The following OR56A3 variants were observed in gnomAD, a reference collection of about 807,000 sequenced individuals.
OR56A3 encodes olfactory receptor family 56 subfamily A member 3.
A neutral mutation model predicts 17.5 loss-of-function variants in OR56A3; 23 were observed. The observed-to-expected ratio is 1.32, with a 90% CI of 0.95 to 1.87. OR56A3 has a LOEUF of 1.87. OR56A3 is among the 40% of genes most tolerant of loss of function. OR56A3 has a pLI of 0.00. For synonymous variants in OR56A3, 175 were observed against 150.6 expected (o/e 1.16, Z -1.19); for missense variants, 366 against 380.1 (o/e 0.96, Z 0.31).
chr11:5,962,567 T>C, the OR56A3 span, among the ~76,000 whole-genome samples: 19 of 149,716 alleles, frequency 1.3e-4, no homozygotes, highest in Non-Finnish European at 2.4e-4. Context: ...AGTCTCTCTC[T>C]GTCGCCCAGG....
chr11:6,008,551 G>A, the OR56A3 span, among the ~76,000 whole-genome samples: 2 of 151,840 alleles, frequency 1.3e-5, no homozygotes, highest in African/African-American at 2.4e-5. Context: ...GCTTTTGTTC[G>A]AATGCTTGTT....
At chr11:5,973,974 G>A in the OR56A3 span, among the ~76,000 whole-genome samples, 14 of 152,216 alleles carry the variant, frequency 9.2e-5, no homozygotes, top group African/African-American at 3.4e-4. Flanking sequence ...CTAAGTTTGA[G>A]GAATGTTGCT....
chr11:6,012,520 C>T, the OR56A3 span, among the ~76,000 whole-genome samples: 1 of 152,074 alleles, frequency 6.6e-6, no homozygotes, highest in Non-Finnish European at 1.5e-5. Flanking sequence ...GCAGGCAGGT[C>T]ATCCCATTGT....
At chr11:5,963,289 T>A in the OR56A3 span, among the ~76,000 whole-genome samples, 1 of 152,138 alleles carries the variant, frequency 6.6e-6, no homozygotes, top group African/African-American at 2.4e-5. Flanking sequence ...TTTGAGATGC[T>A]TTTTCTTTAT....
the OR56A3 span, among the ~76,000 whole-genome samples, chr11:6,015,417 T>C: frequency 6.6e-6 from 1 of 152,196 alleles, no homozygotes; most frequent in African/African-American, 2.4e-5. Flanking sequence ...AATATGGGGT[T>C]GGAGCCTCGC....
chr11:5,981,703 C>T, the OR56A3 span, among the ~76,000 whole-genome samples: 5 of 152,166 alleles, frequency 3.3e-5, no homozygotes, highest in African/African-American at 4.8e-5. Context: ...TTGCTGGGAA[C>T]TAGGTGGTCT....
At position 5,948,992 on chromosome 11, in the gene OR56A3, G is replaced by C. The variant is rs1209723814; in HGVS notation, c.*698G>C. The stretch of plus-strand genomic sequence containing the variant: ...ATTCTTGAATCCTCTTCCCCAATGT[G>C]TCTGTGCTTAGAACATTTATCTTTC... On this transcript the variant is annotated 3_prime_UTR_variant, in exon 3 of 3. Coordinates refer to ENST00000641160, the MANE Select transcript of OR56A3 (RefSeq NM_001003443.3). 1 of 152,186 alleles carries C rather than the reference G, an allele frequency of 6.6e-6. No homozygotes were observed. The highest frequency in any genetic ancestry group is 1.9e-4 in the East Asian group (1 of 5,190). 9.4% of individuals were successfully genotyped at this position (152,186 alleles called of 1,614,324 possible).
chr11:5,978,527 G>A, the OR56A3 span, among the ~76,000 whole-genome samples: 1 of 151,922 alleles, frequency 6.6e-6, no homozygotes, highest in East Asian at 1.9e-4. Context: ...TAGTATTGGT[G>A]TGTATAGGAA....
chr11:6,002,711 C>T, the OR56A3 span: 23 of 1,614,102 alleles, frequency 1.4e-5, no homozygotes, highest in Admixed American at 1.7e-5. Flanking sequence ...GGAAGCTGAT[C>T]GACCTGAGGT....
the OR56A3 span, among the ~76,000 whole-genome samples, chr11:6,014,256 G>A: frequency 1.3e-5 from 2 of 152,184 alleles, no homozygotes; most frequent in African/African-American, 4.8e-5. Context: ...GTTTGGATCT[G>A]TGTCCCCACC....
chr11:5,975,243 C>G, the OR56A3 span, among the ~76,000 whole-genome samples: 4 of 152,208 alleles, frequency 2.6e-5, no homozygotes, highest in African/African-American at 9.6e-5. Flanking sequence ...TTCTAGGGAA[C>G]ATGTGCACAA....
the OR56A3 span, among the ~76,000 whole-genome samples, chr11:5,961,752 TAAA>T: frequency 6.7e-4 from 90 of 134,466 alleles, no homozygotes; most frequent in South Asian, 1.5e-3. Context: ...AATAAATACT[TAAA>T]AAAAAAAAAA....
At chr11:6,002,601 T>G in the OR56A3 span, 10 of 1,614,118 alleles carry the variant, frequency 6.2e-6, no homozygotes, top group Non-Finnish European at 7.6e-6. Context: ...TCTCAATGGA[T>G]GGCAGATGGC....
the OR56A3 span, among the ~76,000 whole-genome samples, chr11:5,960,776 A>G: frequency 2.1e-5 from 3 of 143,552 alleles, no homozygotes; most frequent in Non-Finnish European, 3.0e-5. Flanking sequence ...GAAGTGAGGA[A>G]TGCGTCTTCC....
chr11:6,017,984 A>G, the OR56A3 span, among the ~76,000 whole-genome samples: 1 of 152,148 alleles, frequency 6.6e-6, no homozygotes, highest in East Asian at 1.9e-4. Context: ...AGGTCATTAT[A>G]TGATGACAAA....
the OR56A3 span, among the ~76,000 whole-genome samples, chr11:6,016,692 A>G: frequency 1.5e-3 from 235 of 152,232 alleles, 1 homozygote; most frequent in African/African-American, 5.5e-3. Flanking sequence ...AATGCCTGAA[A>G]AAGAATTTCA....
At chr11:5,961,768 AAAG>A in the OR56A3 span, among the ~76,000 whole-genome samples, 1 of 151,054 alleles carries the variant, frequency 6.6e-6, no homozygotes, top group South Asian at 2.1e-4. Context: ...AAAAAAAAAA[AAAG>A]AAAGCGATTG....
the OR56A3 span, chr11:5,986,916 A>C: frequency 1.2e-6 from 2 of 1,612,640 alleles, no homozygotes; most frequent in Non-Finnish European, 8.5e-7. Context: ...AAGAGAAAAA[A>C]GAAACCAAAG....
At chr11:5,986,459 C>T in the OR56A3 span, 2 of 1,613,966 alleles carry the variant, frequency 1.2e-6, no homozygotes, top group South Asian at 1.1e-5. Context: ...CGCCCTATGA[C>T]CCCTGGATGC....
Sources: allele counts gnomAD v4.1 joint callset (sites outside exome capture counted in the v4.1 genomes callset), GRCh38; gene constraint gnomAD v4.1.1; transcripts MANE v1.5; gene names NCBI Gene and HGNC (gene_info 2026-07-23, HGNC 2026-07-21).